Variants in OTOF observed in about 807,000 individuals in gnomAD.
The protein encoded by OTOF is fer-1-like family member 2.
OTOF carries 218 observed loss-of-function variants against 236.8 expected under a neutral mutation model. The ratio of observed to expected loss-of-function variants is 0.92; its 90% confidence interval spans 0.82 to 1.03. The LOEUF (loss-of-function observed/expected upper bound fraction) is 1.03, where lower values mean the gene tolerates loss of function less well. Ranked by LOEUF, OTOF falls within the 50% of genes least tolerant of loss-of-function variation. The pLI is 0.00. For synonymous variants in OTOF, 1,041 were observed against 1,072.5 expected, an observed-to-expected ratio of 0.97 and a Z score of 0.57; for missense variants, 2,590 against 2,694.4, an observed-to-expected ratio of 0.96 and a Z score of 0.86.
Position 26,464,911 on chromosome 2 carries a change from T to C in OTOF, c.4918A>G (p.Asn1640Asp), listed in dbSNP as rs779960084. 6.9e-6 allele frequency: 11 copies of C among 1,597,756 alleles called. No individual in the cohort carries two copies. The highest frequency in any genetic ancestry group is 8.5e-6 in the Non-Finnish European group (10 of 1,171,832). Residue 1640 changes from asparagine to aspartate, a missense_variant, in exon 39 of 47, where the codon AAC becomes GAC. Transcript: ENST00000272371. Reference sequence around the variant, plus strand: ...TCAGAGGGCCCAGTGAAGACGCGGTTGGCCACCTTCACTCTCCCAGGGGGC... The same window carrying C: ...TCAGAGGGCCCAGTGAAGACGCGGTCGGCCACCTTCACTCTCCCAGGGGGC... Reference protein sequence around the residue: ...FGPPGRVKVANRVFTGPSEIE... With the variant: ...FGPPGRVKVADRVFTGPSEIE...
chr2:26,542,860 C>T (rs935562660), intron 1 of OTOF, among the ~76,000 whole-genome samples: 1 of 152,172 alleles, frequency 6.6e-6, no homozygotes, highest in Non-Finnish European at 1.5e-5. Flanking sequence ...GGACTGTTTT[C>T]AAGGACGTCG....
chr2:26,501,465 T>G (rs192498503), intron 8 of OTOF, among the ~76,000 whole-genome samples: 1 of 152,250 alleles, frequency 6.6e-6, no homozygotes. Context: ...TTATGGTTTT[T>G]CTAGGTGCTT....
Position 26,470,495 on chromosome 2 carries a change from A to G in OTOF, c.4023+98T>C, listed in dbSNP as rs1015247701. On this transcript the variant is annotated intron_variant, in intron 32 of 46. Transcript: ENST00000272371. The surrounding 1 kb of genome is among the most constrained non-coding windows in gnomAD (Gnocchi z 4.3). ...AACCATCCCAAACTCACATGAATGG[A>G]GTTGGGATCCAGCTCTTGGGGGCCG... 1.6e-5 allele frequency: 19 copies of G among 1,167,556 alleles called. No individual in the cohort carries two copies. The highest frequency in any genetic ancestry group is 2.4e-5 in the Non-Finnish European group (19 of 776,436). 72.3% of individuals were successfully genotyped at this position (1,167,556 alleles called of 1,614,324 possible). A position where few individuals can be genotyped will look rare whatever the true frequency, so the allele number is the denominator to read the frequency against.
chr2:26,527,867 AATCTCCAGC>A lies in OTOF; in HGVS notation c.183_191del (p.Met61_Glu63del), dbSNP rs774293473. ...AGACTTTGCTGTAGTTGAAAACCTG[AATCTCCAGC>A]ATCTCATTTCTGTCGATGCTGCTGG... On this transcript the variant is annotated inframe_deletion, in exon 3 of 47. Coordinates refer to ENST00000272371, the MANE Select transcript of OTOF (RefSeq NM_194248.3). 1.1e-5 allele frequency: 18 copies of A among 1,613,890 alleles called. No individual in the cohort carries two copies. The East Asian group carries it at 3.8e-4, about 34-fold the overall frequency.
chr2:26,494,188 C>A (rs1318122193), intron 9 of OTOF, among the ~76,000 whole-genome samples: 1 of 152,240 alleles, frequency 6.6e-6, no homozygotes, highest in East Asian at 1.9e-4. Context: ...CATATGGAGG[C>A]CTCAGTATCC....
At chr2:26,504,091 T>C (rs1666188081) in intron 5 of OTOF, among the ~76,000 whole-genome samples, 2 of 152,002 alleles carry the variant, frequency 1.3e-5, no homozygotes, top group African/African-American at 4.8e-5. Flanking sequence ...AGGAGAGGGA[T>C]GGGGTCCCCA....
At chr2:26,525,104 G>A (rs562572606) in intron 3 of OTOF, among the ~76,000 whole-genome samples, 21 of 152,280 alleles carry the variant, frequency 1.4e-4, no homozygotes, top group African/African-American at 4.1e-4. Context: ...GGCCCCTGGT[G>A]GGGGGTGTCT....
At position 26,465,706 on chromosome 2, in the gene OTOF, G is replaced by A. The variant is rs750648230; in HGVS notation, c.4765C>T (p.Arg1589Cys). 49 of 1,614,154 alleles carry A rather than the reference G, an allele frequency of 3.0e-5. No individual in the cohort carries two copies. Among genetic ancestry groups the A allele is most frequent in the South Asian group, 5.5e-5 (5 of 91,096 alleles). ...DLENRFYSKH[R>C]ATCGIAQTYS... Reference sequence around the variant, plus strand: ...GTCTGGGCGATGCCGCAGGTGGCGCGGTGCTTGCTGTAGAAGCGGTTCTCC... The same window carrying A: ...GTCTGGGCGATGCCGCAGGTGGCGCAGTGCTTGCTGTAGAAGCGGTTCTCC... Residue 1589 changes from arginine to cysteine, a missense_variant, in exon 38 of 47, where the codon CGC (arginine) becomes TGC (cysteine). This residue lies in a region of OTOF where 1,211 missense variants were observed against 1,352.8 expected (regional missense o/e 0.90). Transcript: ENST00000272371.
At chr2:26,501,597 C>T (rs1666116779) in intron 8 of OTOF, among the ~76,000 whole-genome samples, 157 bp downstream of exon 8, 1 of 152,180 alleles carries the variant, frequency 6.6e-6, no homozygotes. Context: ...CTAGGAATGC[C>T]TCCCAGGAAC....
chr2:26,465,986 TCTC>T lies in OTOF; in HGVS notation c.4588_4590del (p.Glu1530del), dbSNP rs762466336. The T allele has an allele frequency of 6.2e-7, 1 of 1,614,178 alleles. No homozygotes were observed. Among genetic ancestry groups the T allele is most frequent in the South Asian group, 1.1e-5 (1 of 91,074 alleles). The stretch of plus-strand genomic sequence containing the variant: ...GGGTTGAGCTGCTTGGAGATGTAGT[TCTC>T]CTTGTCGCGGATGTCAGTCTTGCCT... On this transcript the variant is annotated inframe_deletion, in exon 37 of 47. Transcript: ENST00000272371.
chr2:26,554,515 G>A (rs1667538674), intron 1 of OTOF, among the ~76,000 whole-genome samples: 1 of 144,994 alleles, frequency 6.9e-6, no homozygotes, highest in Non-Finnish European at 1.5e-5. Flanking sequence ...CCTTGGCAGA[G>A]CAGTAGGAAG....
intron 9 of OTOF, among the ~76,000 whole-genome samples, chr2:26,493,367 C>T (rs960509604): frequency 5.9e-5 from 9 of 152,172 alleles, no homozygotes; most frequent in Admixed American, 3.3e-4. Context: ...CAGCCCTCAC[C>T]CACCTCAGGG....
At chr2:26,467,262 G>T in intron 34 of OTOF, 29 bp from the exon 35 acceptor site, 1 of 1,613,988 alleles carries the variant, frequency 6.2e-7, no homozygotes, top group African/African-American at 1.3e-5. Context: ...TTAGGGGGCG[G>T]CTGCCTGGTC....
chr2:26,492,544 G>A (rs548210285), intron 9 of OTOF, among the ~76,000 whole-genome samples: 10 of 152,188 alleles, frequency 6.6e-5, no homozygotes, highest in Admixed American at 1.3e-4. Context: ...TGCGCAGGGC[G>A]GAAACTGTGC....
In OTOF at chr2:26,473,497, A is replaced by T. The variant is rs1490769405; in HGVS notation, c.3479T>A (p.Ile1160Asn). 1 of 1,612,968 alleles carries T rather than the reference A, an allele frequency of 6.2e-7. No individual in the cohort carries two copies. ...CTGCACCCCCTTCCCTGCACACTCG[A>T]TGTCCACCCGTGGCCGGTCCACCTG... ...LAQVDRPRVD[I>N]ECAGKGVQSS... The change falls in exon 28 of 47, where the codon ATC becomes AAC. Residue 1160 changes from isoleucine to asparagine, a missense_variant. Transcript: ENST00000272371. This position sits in a 1 kb window ranked among gnomAD's most constrained non-coding sequence, Gnocchi z 7.2.
At chr2:26,551,616 A>G (rs925096640) in intron 1 of OTOF, among the ~76,000 whole-genome samples, 2 of 152,240 alleles carry the variant, frequency 1.3e-5, no homozygotes, top group Non-Finnish European at 2.9e-5. Flanking sequence ...CTTTGAGGAC[A>G]GGAACCACAT....
intron 12 of OTOF, among the ~76,000 whole-genome samples, chr2:26,484,271 T>C (rs1572440571): frequency 6.6e-6 from 1 of 152,232 alleles, no homozygotes; most frequent in African/African-American, 2.4e-5. Context: ...GCAGAAAGGA[T>C]GTCAAAGGAC....
intron 5 of OTOF, among the ~76,000 whole-genome samples, chr2:26,514,111 C>T (rs886518366): frequency 6.6e-6 from 1 of 152,274 alleles, no homozygotes; most frequent in African/African-American, 2.4e-5. Context: ...CACAACCAGG[C>T]CTGCTGGCTG....
chr2:26,479,154 G>A (rs1462773126), intron 18 of OTOF, 110 bp downstream of exon 18: 12 of 1,432,846 alleles, frequency 8.4e-6, no homozygotes, highest in South Asian at 3.7e-5. Context: ...TGCTGGGGCC[G>A]TTCCTGCAGC....
Sources: allele counts gnomAD v4.1 joint callset (sites outside exome capture counted in the v4.1 genomes callset), GRCh38; gene constraint gnomAD v4.1.1; regional missense constraint gnomAD v4.1.1; non-coding constraint Gnocchi (gnomAD v3.1); transcripts MANE v1.5; gene names NCBI Gene and HGNC (gene_info 2026-07-23, HGNC 2026-07-21).